The following DCHS2 variants were observed in gnomAD, a reference collection of about 807,000 sequenced individuals.
DCHS2 encodes dachsous cadherin-related 2.
In DCHS2, 142 loss-of-function variants were observed where a neutral mutation model predicts 182.4. That is an observed-to-expected ratio of 0.78 (90% CI 0.68 to 0.89). The LOEUF (loss-of-function observed/expected upper bound fraction) is 0.89, where lower values mean the gene tolerates loss of function less well. Ranked by LOEUF, DCHS2 falls within the 40% of genes least tolerant of loss-of-function variation. The pLI is 0.00. For missense variants in DCHS2, 4,319 were observed against 4,198.6 expected, an observed-to-expected ratio of 1.03 and a Z score of -0.79; for synonymous variants, 1,740 against 1,663.3, an observed-to-expected ratio of 1.05 and a Z score of -1.12.
intron 3 of DCHS2, chr4:154,343,586 G>A: frequency 6.5e-7 from 1 of 1,532,108 alleles, no homozygotes; most frequent in South Asian, 1.3e-5. Flanking sequence ...TAAACCTCAT[G>A]AACCAACCTC....
chr4:154,414,264 C>T (rs983554793), intron 1 of DCHS2, among the ~76,000 whole-genome samples: 4 of 151,466 alleles, frequency 2.6e-5, no homozygotes, highest in East Asian at 3.9e-4. Flanking sequence ...GAAGAAGATT[C>T]GAAAACACTA....
rs149708816 is a variant in DCHS2 at position 154,485,185 on chromosome 4, G to T, written c.2052+4119C>A. ...GAGTGAGGGGAAGACAGAGCCTTTG[G>T]GAATGCCTCTACCACACTGAGTGTG... On this transcript the variant is annotated intron_variant, in intron 1 of 19. Coordinates refer to ENST00000357232, the MANE Select transcript of DCHS2 (RefSeq NM_001358235.2). Among the ~76,000 whole-genome samples the T allele has an allele frequency of 1.8e-4, 27 of 152,184 alleles. No homozygotes were observed. The East Asian group carries it at 4.8e-3, about 27-fold the overall frequency.
intron 1 of DCHS2, among the ~76,000 whole-genome samples, chr4:154,385,695 C>T (rs895972742): frequency 3.0e-4 from 45 of 151,928 alleles, no homozygotes; most frequent in African/African-American, 9.7e-4. Context: ...GGTTTCACCA[C>T]GTTGGCCAGG....
rs1236721106 is a variant in DCHS2 at position 154,332,920 on chromosome 4, A to G, written c.3288T>C (p.Ser1096=). ...HLVYQVEVSE[S]LSPMTQMLQT... Reference sequence around the variant, plus strand: ...GCAGCATTTGTGTCATCGGTGAGAGAGACTCACTGACTTCCACTTGATAGA... The same window carrying G: ...GCAGCATTTGTGTCATCGGTGAGAGGGACTCACTGACTTCCACTTGATAGA... Residue 1096 remains serine, a synonymous_variant, in exon 5 of 20, where the codon TCT becomes TCC. Transcript: ENST00000357232. 1 of 1,614,156 alleles carries G rather than the reference A, an allele frequency of 6.2e-7. No individual in the cohort carries two copies. The highest frequency in any genetic ancestry group is 8.5e-7 in the Non-Finnish European group (1 of 1,180,024).
intron 1 of DCHS2, among the ~76,000 whole-genome samples, chr4:154,419,136 A>G (rs1732992521): frequency 6.6e-6 from 1 of 152,234 alleles, no homozygotes; most frequent in African/African-American, 2.4e-5. Flanking sequence ...ATTTTGCAAA[A>G]TGGTAAAGTT....
chr4:154,395,912 G>A (rs76347673), intron 1 of DCHS2, among the ~76,000 whole-genome samples: 1,955 of 152,326 alleles, frequency 0.013, 38 homozygotes, highest in African/African-American at 0.045. Flanking sequence ...TGTGTGAACA[G>A]TATGCTAAGA....
At position 154,414,482 on chromosome 4, in the gene DCHS2, GCTTT is replaced by G. The variant is rs766761075; in HGVS notation, c.2053-37042_2053-37039del. On this transcript the variant is annotated intron_variant, in intron 1 of 19. Coordinates refer to ENST00000357232, the MANE Select transcript of DCHS2 (RefSeq NM_001358235.2). ...TGAAGACAAAAAATATCTCCATACA[GCTTT>G]CTTTTTTTTTTTTTTTTTTTTTTTT... is the stretch of plus-strand genomic sequence containing the variant. 8.5e-3 allele frequency among the ~76,000 whole-genome samples: 1,085 copies of G among 127,420 alleles called. 87 individuals carry two copies. The highest frequency in any genetic ancestry group is 0.033 in the East Asian group (133 of 3,984). The allele number at this position is 127,420 out of a possible 152,430, so 83.6% of individuals were successfully genotyped here.
intron 3 of DCHS2, among the ~76,000 whole-genome samples, chr4:154,362,034 C>T (rs75253416): frequency 0.044 from 6,765 of 152,182 alleles, 191 homozygotes; most frequent in Non-Finnish European, 0.068. Flanking sequence ...TATAAATGGG[C>T]TCATCAATTC....
intron 9 of DCHS2, among the ~76,000 whole-genome samples, chr4:154,317,129 GA>G (rs1401601405): frequency 2.6e-5 from 4 of 152,090 alleles, no homozygotes; most frequent in African/African-American, 9.7e-5. Context: ...TTTTGTGAGA[GA>G]AAAAAATCCC....
rs1200195594 is a variant in DCHS2, at chr4:154,474,675, C to T, written c.2052+14629G>A. 3.0e-5 allele frequency among the ~76,000 whole-genome samples: 4 copies of T among 134,322 alleles called. No homozygotes were observed. In the East Asian group the frequency reaches 9.2e-4, roughly 31 times the overall value. The allele number at this position is 134,322 out of a possible 152,430, so 88.1% of individuals were successfully genotyped here. A position where few individuals can be genotyped will look rare whatever the true frequency, so the allele number is the denominator to read the frequency against. ...ACCTGACCCTCAGGCTCCCCGATCC[C>T]GGGCCAAGCCTCTTGGCCACTTACT... is the stretch of plus-strand genomic sequence containing the variant. On this transcript the variant is annotated intron_variant, in intron 1 of 19. Coordinates refer to ENST00000357232, the MANE Select transcript of DCHS2 (RefSeq NM_001358235.2).
intron 1 of DCHS2, among the ~76,000 whole-genome samples, chr4:154,404,985 G>A (rs1732338406): frequency 6.6e-6 from 1 of 152,186 alleles, no homozygotes; most frequent in African/African-American, 2.4e-5. Flanking sequence ...GGTGGCTCAT[G>A]CCTGTAATCC....
At position 154,474,472 on chromosome 4, in the gene DCHS2, A is replaced by T. The variant is rs559142510; in HGVS notation, c.2052+14832T>A. Among the ~76,000 whole-genome samples the T allele has an allele frequency of 4.3e-4, 66 of 152,270 alleles. No individual in the cohort carries two copies. In the South Asian group the frequency reaches 0.013, roughly 31 times the overall value. ...AGCCCCCTGACTCAACTGAGCACAGATCTGAAGGGCACCTCCATCCCAGAG... is the reference window on the plus strand; with the variant it reads ...AGCCCCCTGACTCAACTGAGCACAGTTCTGAAGGGCACCTCCATCCCAGAG... On this transcript the variant is annotated intron_variant, in intron 1 of 19. Transcript: ENST00000357232.
At chr4:154,374,784 T>C (rs1036718728) in intron 2 of DCHS2, among the ~76,000 whole-genome samples, 2 of 151,528 alleles carry the variant, frequency 1.3e-5, no homozygotes, top group African/African-American at 4.9e-5. Context: ...TACAAAAGAG[T>C]AGTAAGCAGA....
chr4:154,253,442 CAGAA>C (rs1732486702), intron 16 of DCHS2, among the ~76,000 whole-genome samples: 1 of 152,090 alleles, frequency 6.6e-6, no homozygotes, highest in Non-Finnish European at 1.5e-5. Flanking sequence ...AACACTGTAA[CAGAA>C]AGTCCTTAAA....
intron 7 of DCHS2, chr4:154,323,012 A>G: frequency 1.8e-6 from 1 of 543,746 alleles, no homozygotes; most frequent in South Asian, 3.8e-5. Flanking sequence ...GTTTACATTA[A>G]GATCAAAATA....
At position 154,346,893 on chromosome 4, in the gene DCHS2, T is replaced by C. The variant is rs116119712; in HGVS notation, c.2477-11789A>G. ...AAACTTTGTGTCACAAAACTGGACA[T>C]TTAAAATACCCTGATTTTTAGTGAT... On this transcript the variant is annotated intron_variant, in intron 3 of 19. Coordinates refer to ENST00000357232, the MANE Select transcript of DCHS2 (RefSeq NM_001358235.2). 6.9e-3 allele frequency among the ~76,000 whole-genome samples: 1,052 copies of C among 152,002 alleles called. 34 individuals carry two copies. The highest frequency in any genetic ancestry group is 0.024 in the African/African-American group (1,006 of 41,288).
At chr4:154,462,057 C>T (rs1560773543) in intron 1 of DCHS2, among the ~76,000 whole-genome samples, 2 of 152,124 alleles carry the variant, frequency 1.3e-5, no homozygotes, top group African/African-American at 4.8e-5. Flanking sequence ...AACACACCCA[C>T]CTCACCCGCC....
At chr4:154,345,178 G>A (rs1389306231) in intron 3 of DCHS2, among the ~76,000 whole-genome samples, 2 of 152,266 alleles carry the variant, frequency 1.3e-5, no homozygotes, top group South Asian at 2.1e-4. Context: ...GCTCTGCAGG[G>A]CCTCCTCGCT....
intron 2 of DCHS2, among the ~76,000 whole-genome samples, chr4:154,366,725 C>A (rs1177469310): frequency 6.6e-6 from 1 of 152,010 alleles, no homozygotes; most frequent in Non-Finnish European, 1.5e-5. Context: ...TCATAGGTAA[C>A]AGCATGGTAT....
Sources: allele counts gnomAD v4.1 joint callset (sites outside exome capture counted in the v4.1 genomes callset), GRCh38; gene constraint gnomAD v4.1.1; transcripts MANE v1.5; gene names NCBI Gene and HGNC (gene_info 2026-07-23, HGNC 2026-07-21).